Variants in GPHN observed in about 807,000 individuals in gnomAD.
The protein encoded by GPHN is gephyrin.
Under a neutral mutation model 95.5 loss-of-function variants are expected in GPHN, and 17 were observed. That is an observed-to-expected ratio of 0.18 (90% confidence interval 0.12 to 0.27). GPHN has a LOEUF of 0.27. Ranked by LOEUF, GPHN falls within the 10% of genes least tolerant of loss-of-function variation. GPHN has a pLI of 1.00. For synonymous variants in GPHN, 320 were observed against 322.5 expected, an observed-to-expected ratio of 0.99 and a Z score of 0.08; for missense variants, 660 against 978.1, an observed-to-expected ratio of 0.67 and a Z score of 4.34.
chr14:67,718,182 G>C, the GPHN span, among the ~76,000 whole-genome samples: 9 of 152,180 alleles, frequency 5.9e-5, no homozygotes, highest in African/African-American at 2.2e-4. Context: ...AATAACTGTG[G>C]TGCTGTACGG....
chr14:66,733,269 T>C (rs1159663689), intron 2 of GPHN, among the ~76,000 whole-genome samples: 1 of 152,008 alleles, frequency 6.6e-6, no homozygotes, highest in Non-Finnish European at 1.5e-5. Flanking sequence ...TTCCTGAGGC[T>C]TCCCCAACCA....
intron 1 of GPHN, among the ~76,000 whole-genome samples, chr14:66,601,775 AG>A (rs1401291567): frequency 6.6e-6 from 1 of 151,960 alleles, no homozygotes; most frequent in Non-Finnish European, 1.5e-5. Context: ...GAAAAATTCA[AG>A]TAAATATTAA....
chr14:67,435,481 AG>A, the GPHN span, among the ~76,000 whole-genome samples: 1 of 152,238 alleles, frequency 6.6e-6, no homozygotes, highest in African/African-American at 2.4e-5. Context: ...AGGCAGCAAC[AG>A]CCCCTGTCTG....
intron 1 of GPHN, among the ~76,000 whole-genome samples, chr14:66,535,657 A>G (rs2059117948): frequency 6.6e-6 from 1 of 152,114 alleles, no homozygotes; most frequent in Admixed American, 6.5e-5. Context: ...TTTGGTTTAC[A>G]ATGTAGAGGT....
At position 66,707,140 on chromosome 14, in the gene GPHN, G is replaced by A. The variant is rs548355060; in HGVS notation, c.143+25955G>A. Among the ~76,000 whole-genome samples, 13 of 151,980 alleles carry A rather than the reference G, an allele frequency of 8.6e-5. No homozygotes were observed. The South Asian group carries it at 1.0e-3, about 12-fold the overall frequency. On this transcript the variant is annotated intron_variant, in intron 2 of 22. Transcript: ENST00000478722. ...ACCATCTCACGCCAGTCAGAATGGC[G>A]ATTATTAAAAAGTCAATAAACAATA... is the stretch of plus-strand genomic sequence containing the variant.
At chr14:66,841,668 A>T (rs116879599) in intron 4 of GPHN, among the ~76,000 whole-genome samples, 1,829 of 152,232 alleles carry the variant, frequency 0.012, 19 homozygotes, top group Non-Finnish European at 0.018. Context: ...GAGGGGGAAG[A>T]TCAGGAATTT....
the GPHN span, among the ~76,000 whole-genome samples, chr14:67,711,262 C>G: frequency 5.9e-5 from 9 of 152,256 alleles, no homozygotes; most frequent in African/African-American, 2.2e-4. Context: ...CTGTTTTGGT[C>G]TGAGTTTATA....
At chr14:66,600,133 C>T (rs1309023046) in intron 1 of GPHN, among the ~76,000 whole-genome samples, 1 of 151,770 alleles carries the variant, frequency 6.6e-6, no homozygotes, top group Non-Finnish European at 1.5e-5. Context: ...CATCATTATT[C>T]TTCAGTGTGT....
intron 1 of GPHN, among the ~76,000 whole-genome samples, chr14:66,624,126 C>T (rs1192640863): frequency 6.6e-6 from 1 of 152,186 alleles, no homozygotes; most frequent in Non-Finnish European, 1.5e-5. Flanking sequence ...CCATTGTAAG[C>T]TGTCACATAC....
chr14:67,052,623 C>T (rs1338081619), intron 10 of GPHN, among the ~76,000 whole-genome samples: 1 of 152,160 alleles, frequency 6.6e-6, no homozygotes, highest in African/African-American at 2.4e-5. Flanking sequence ...GAACTCTCCA[C>T]CCAAAAACAA....
chr14:66,513,852 A>T (rs1331417970), intron 1 of GPHN, among the ~76,000 whole-genome samples: 1 of 151,830 alleles, frequency 6.6e-6, no homozygotes, highest in African/African-American at 2.4e-5. Flanking sequence ...AATTAATTTT[A>T]ACTAAGTAGA....
the GPHN span, among the ~76,000 whole-genome samples, chr14:67,656,195 G>C: frequency 6.7e-6 from 1 of 150,000 alleles, no homozygotes. Context: ...GCAGCAAGTG[G>C]AGATCACGCC....
chr14:66,972,507 A>G (rs1306526389), intron 9 of GPHN, among the ~76,000 whole-genome samples: 1 of 151,960 alleles, frequency 6.6e-6, no homozygotes, highest in Non-Finnish European at 1.5e-5. Flanking sequence ...TTGCATAAAT[A>G]AGTGATTTTC....
At chr14:66,511,317 A>C (rs761639732) in intron 1 of GPHN, among the ~76,000 whole-genome samples, 3 of 152,154 alleles carry the variant, frequency 2.0e-5, no homozygotes, top group Admixed American at 2.0e-4. Flanking sequence ...TTGTGATTTC[A>C]TACTTAAGAA....
chr14:67,217,158 T>G, the GPHN span, among the ~76,000 whole-genome samples: 1 of 145,992 alleles, frequency 6.8e-6, no homozygotes, highest in African/African-American at 2.7e-5. Context: ...ATAGAATGAC[T>G]TTCTTCATCT....
At chr14:67,343,263 C>A in the GPHN span, 2 of 760,542 alleles carry the variant, frequency 2.6e-6, no homozygotes, top group South Asian at 4.5e-5. Context: ...GCAAGGGAAG[C>A]ATCTTATTCA....
chr14:66,938,095 AT>A (rs1221685268), intron 8 of GPHN, among the ~76,000 whole-genome samples: 2 of 152,162 alleles, frequency 1.3e-5, no homozygotes, highest in African/African-American at 4.8e-5. Context: ...ATTTGATTAG[AT>A]GACCATCATT....
At chr14:67,225,732 G>A in the GPHN span, among the ~76,000 whole-genome samples, 1 of 152,146 alleles carries the variant, frequency 6.6e-6, no homozygotes, top group South Asian at 2.1e-4. Context: ...TTCATAATCT[G>A]CACAGCTGTA....
At chr14:66,939,881 C>T (rs1011436951) in intron 8 of GPHN, among the ~76,000 whole-genome samples, 4 of 152,094 alleles carry the variant, frequency 2.6e-5, no homozygotes, top group African/African-American at 7.2e-5. Context: ...GTTGCATGAC[C>T]GTTTGGAGGT....
Sources: allele counts gnomAD v4.1 joint callset (sites outside exome capture counted in the v4.1 genomes callset), GRCh38; gene constraint gnomAD v4.1.1; transcripts MANE v1.5; gene names NCBI Gene and HGNC (gene_info 2026-07-23, HGNC 2026-07-21).